The following DLG1 variants were observed in gnomAD, a reference collection of about 807,000 sequenced individuals.
DLG1 encodes discs large MAGUK scaffold protein 1.
DLG1 carries 42 observed loss-of-function variants against 123.4 expected under a neutral mutation model. The ratio of observed to expected loss-of-function variants is 0.34; its 90% CI spans 0.27 to 0.44. The LOEUF (loss-of-function observed/expected upper bound fraction) is 0.44. Ranked by LOEUF, DLG1 falls within the 20% of genes least tolerant of loss-of-function variation. The probability of loss-of-function intolerance (pLI) is 1.00; values close to 1 mark genes in which losing one functional copy is unlikely to be tolerated. For synonymous variants in DLG1, 317 were observed against 356.2 expected, an observed-to-expected ratio of 0.89 and a Z score of 1.24; for missense variants, 942 against 1,082.6, an observed-to-expected ratio of 0.87 and a Z score of 1.82.
In DLG1 at chr3:197,065,386, T is replaced by C. The variant is rs1353418226; in HGVS notation, c.2263A>G (p.Arg755Gly). 4 of 1,613,476 alleles carry C rather than the reference T, an allele frequency of 2.5e-6. No individual in the cohort carries two copies. In the South Asian group the frequency reaches 3.3e-5, roughly 13 times the overall value. Residue 755 changes from arginine (R) to glycine (G), a missense_variant, in exon 22 of 25, where the codon AGA becomes GGA. Coordinates refer to ENST00000667157, the MANE Select transcript of DLG1 (RefSeq NM_001366207.1). The part of the protein sequence containing the change: ...DGRDYHFVTS[R>G]EQMEKDIQEH... ...TGGATATCTTTTTCCATCTGCTCTC[T>C]TGAAGTCACAAAATGATAATCTCTT...
At chr3:197,058,478 T>C (rs775985224) in intron 23 of DLG1, among the ~76,000 whole-genome samples, 2 of 152,238 alleles carry the variant, frequency 1.3e-5, no homozygotes, top group Non-Finnish European at 2.9e-5. Flanking sequence ...TGTGATTTCT[T>C]CTTTGACTCA....
intron 4 of DLG1, among the ~76,000 whole-genome samples, chr3:197,230,150 G>A (rs1313651078): frequency 1.3e-5 from 2 of 152,074 alleles, no homozygotes; most frequent in East Asian, 3.9e-4. Context: ...GTTTAAATTG[G>A]ATTTTTCTCA....
At chr3:197,245,198 A>G (rs775362263) in intron 4 of DLG1, among the ~76,000 whole-genome samples, 39 of 152,116 alleles carry the variant, frequency 2.6e-4, no homozygotes, top group Non-Finnish European at 5.3e-4. Context: ...TATCTGGGCT[A>G]GCTTTATATT....
chr3:197,059,422 T>C (rs1013508049), intron 23 of DLG1, among the ~76,000 whole-genome samples: 9 of 152,346 alleles, frequency 5.9e-5, no homozygotes, highest in Admixed American at 2.0e-4. Flanking sequence ...GTCTTTTAAT[T>C]GGAACATTTA....
intron 13 of DLG1, 26 bp from the exon 14 acceptor site, chr3:197,105,031 T>C: frequency 6.9e-7 from 1 of 1,453,244 alleles, no homozygotes; most frequent in Non-Finnish European, 9.5e-7. Flanking sequence ...AATCTTAATT[T>C]GGGAGAAAAG....
intron 4 of DLG1, among the ~76,000 whole-genome samples, chr3:197,220,405 TAC>T (rs1736349202): frequency 6.6e-6 from 1 of 152,110 alleles, no homozygotes; most frequent in Non-Finnish European, 1.5e-5. Flanking sequence ...CAAAAATAAG[TAC>T]ATTCTTAAAG....
chr3:197,110,654 G>A (rs952390681), intron 13 of DLG1, among the ~76,000 whole-genome samples: 8 of 152,156 alleles, frequency 5.3e-5, no homozygotes, highest in Non-Finnish European at 8.8e-5. Flanking sequence ...TCTTATCTAC[G>A]CTTGTCATTG....
At chr3:197,191,006 A>G (rs1329490152) in intron 5 of DLG1, among the ~76,000 whole-genome samples, 3 of 151,968 alleles carry the variant, frequency 2.0e-5, no homozygotes, top group Non-Finnish European at 4.4e-5. Flanking sequence ...CGAGACTTCA[A>G]CTCAAACAAA....
chr3:197,136,945 A>G (rs1303011333), intron 9 of DLG1, among the ~76,000 whole-genome samples: 1 of 152,220 alleles, frequency 6.6e-6, no homozygotes, highest in Non-Finnish European at 1.5e-5. Flanking sequence ...CCAAAGTGAC[A>G]TTGCGAAATT....
chr3:197,139,203 G>A (rs1786671244), intron 8 of DLG1, among the ~76,000 whole-genome samples: 1 of 152,170 alleles, frequency 6.6e-6, no homozygotes, highest in Non-Finnish European at 1.5e-5. Context: ...AAAAAAGATG[G>A]TCATCTCAAA....
At chr3:197,297,521 GCA>G in intron 1 of DLG1, 1 of 1,198,774 alleles carries the variant, frequency 8.3e-7, no homozygotes, top group South Asian at 2.0e-5. Context: ...CTCTTCCCCC[GCA>G]CAAGTATCCA....
At chr3:197,291,427 C>A (rs763550544) in intron 3 of DLG1, among the ~76,000 whole-genome samples, 2 of 151,940 alleles carry the variant, frequency 1.3e-5, no homozygotes, top group East Asian at 3.9e-4. Context: ...ACCACTATAG[C>A]TGGAAGATCT....
chr3:197,223,231 C>T (rs1402228361), intron 4 of DLG1, among the ~76,000 whole-genome samples: 2 of 152,176 alleles, frequency 1.3e-5, no homozygotes, highest in East Asian at 3.8e-4. Context: ...ATTAAACAGG[C>T]TTCTTTCCAC....
chr3:197,124,063 T>C (rs956654160), intron 11 of DLG1, among the ~76,000 whole-genome samples: 19 of 152,120 alleles, frequency 1.2e-4, no homozygotes, highest in Non-Finnish European at 2.4e-4. Flanking sequence ...GGCAACATAG[T>C]GAGACCCCAT....
intron 4 of DLG1, among the ~76,000 whole-genome samples, chr3:197,237,027 G>C (rs992116592): frequency 1.3e-5 from 2 of 152,038 alleles, no homozygotes; most frequent in African/African-American, 4.8e-5. Context: ...ACAATAACTA[G>C]CGTCTGGGAG....
chr3:197,257,553 C>T (rs1040208958), intron 4 of DLG1, among the ~76,000 whole-genome samples: 15 of 152,150 alleles, frequency 9.9e-5, no homozygotes, highest in African/African-American at 3.6e-4. Flanking sequence ...AAAGCAGAAA[C>T]AGGTATGGGT....
At chr3:197,297,475 G>C in intron 1 of DLG1, 1 of 1,326,614 alleles carries the variant, frequency 7.5e-7, no homozygotes, top group Non-Finnish European at 9.7e-7. Context: ...CTCCTCGAAA[G>C]CGTCCCCTCC....
rs768695952 is a variant in DLG1, at chr3:197,065,734, G to T, written c.2174C>A (p.Pro725His). The T allele has an allele frequency of 6.2e-7, 1 of 1,611,784 alleles. No individual in the cohort carries two copies. Among genetic ancestry groups the T allele is most frequent in the Non-Finnish European group, 8.5e-7 (1 of 1,178,604 alleles). The change falls in exon 21 of 25, where the codon CCT becomes CAT. Residue 725 changes from proline to histidine, a missense_variant. Transcript: ENST00000667157. ...RINDDLISEF[P>H]DKFGSCVPHT... ...AGGAACACAGGATCCAAATTTGTCA[G>T]GAAATTCTGAGATCAAGTCATCATT...
intron 13 of DLG1, among the ~76,000 whole-genome samples, chr3:197,113,275 AT>A (rs1242838843): frequency 1.3e-5 from 2 of 152,006 alleles, no homozygotes. Flanking sequence ...TTTCAAGTTA[AT>A]TTTTCTATAC....
Sources: allele counts gnomAD v4.1 joint callset (sites outside exome capture counted in the v4.1 genomes callset), GRCh38; gene constraint gnomAD v4.1.1; transcripts MANE v1.5; gene names NCBI Gene and HGNC (gene_info 2026-07-23, HGNC 2026-07-21).